The following IGSF21 variants were observed in gnomAD, a reference collection of about 807,000 sequenced individuals.
IGSF21 encodes immunoglobin superfamily member 21, also known as immunoglobulin superfamily member 21.
Under a neutral mutation model 46.8 loss-of-function variants are expected in IGSF21, and 28 were observed. The observed-to-expected ratio is 0.60, with a 90% CI of 0.44 to 0.82. The LOEUF (loss-of-function observed/expected upper bound fraction) is 0.82, where lower values mean the gene tolerates loss of function less well. Ranked by LOEUF, IGSF21 falls within the 40% of genes least tolerant of loss-of-function variation. IGSF21 has a pLI of 0.00. For synonymous variants in IGSF21, 284 were observed against 273.6 expected (o/e 1.04, Z -0.38); for missense variants, 624 against 665.5 (o/e 0.94, Z 0.69).
chr1:18,341,617 A>G (rs983027432), intron 4 of IGSF21, among the ~76,000 whole-genome samples: 15 of 152,212 alleles, frequency 9.9e-5, no homozygotes, highest in African/African-American at 3.4e-4. Flanking sequence ...CAAGGTGAGT[A>G]CTATCACTTT....
chr1:18,120,685 A>C (rs1369948384), intron 1 of IGSF21, among the ~76,000 whole-genome samples: 1 of 152,188 alleles, frequency 6.6e-6, no homozygotes, highest in Admixed American at 6.5e-5. Context: ...CCCAGGCTCC[A>C]TGGTAGATTT....
chr1:18,287,091 G>T (rs1339986865), intron 2 of IGSF21, among the ~76,000 whole-genome samples: 3 of 150,966 alleles, frequency 2.0e-5, no homozygotes, highest in African/African-American at 7.3e-5. Flanking sequence ...TGAGGCAGGA[G>T]AATGGCGTGA....
At chr1:18,326,562 C>T (rs1003114314) in intron 3 of IGSF21, among the ~76,000 whole-genome samples, 1 of 152,228 alleles carries the variant, frequency 6.6e-6, no homozygotes, top group African/African-American at 2.4e-5. Context: ...CCTGAATCTT[C>T]TCTGTTAGCC....
At chr1:18,161,024 C>A (rs1054836825) in intron 1 of IGSF21, among the ~76,000 whole-genome samples, 1 of 152,134 alleles carries the variant, frequency 6.6e-6, no homozygotes, top group African/African-American at 2.4e-5. Flanking sequence ...GAGCTTTAGG[C>A]CTCTGTTCCT....
chr1:18,369,610 C>G (rs1246235806), intron 6 of IGSF21, among the ~76,000 whole-genome samples: 1 of 152,190 alleles, frequency 6.6e-6, no homozygotes, highest in Non-Finnish European at 1.5e-5. Context: ...CACCTTGCAC[C>G]ATCAGGGCAC....
At chr1:18,245,836 G>A (rs1015970593) in intron 2 of IGSF21, among the ~76,000 whole-genome samples, 1 of 152,174 alleles carries the variant, frequency 6.6e-6, no homozygotes, top group Admixed American at 6.5e-5. Flanking sequence ...ATCCCAGGAG[G>A]TCCCAAACCA....
At chr1:18,135,274 A>G (rs1362690240) in intron 1 of IGSF21, among the ~76,000 whole-genome samples, 1 of 152,056 alleles carries the variant, frequency 6.6e-6, no homozygotes, top group Non-Finnish European at 1.5e-5. Flanking sequence ...TATTTTTATT[A>G]TTATACTTTA....
chr1:18,129,554 G>C (rs1409995442), intron 1 of IGSF21, among the ~76,000 whole-genome samples: 1 of 152,216 alleles, frequency 6.6e-6, no homozygotes, highest in African/African-American at 2.4e-5. Context: ...CCACGGGCAA[G>C]ACTCAGAGGC....
chr1:18,145,054 G>A (rs2086452718), intron 1 of IGSF21, among the ~76,000 whole-genome samples: 1 of 152,096 alleles, frequency 6.6e-6, no homozygotes, highest in Non-Finnish European at 1.5e-5. Context: ...GAAAGCTGGA[G>A]ATAATTTGAA....
intron 2 of IGSF21, among the ~76,000 whole-genome samples, chr1:18,280,346 T>C (rs1313906045): frequency 6.6e-6 from 1 of 152,242 alleles, no homozygotes; most frequent in African/African-American, 2.4e-5. Context: ...CTCTTCCCAA[T>C]TGCCACTAGT....
chr1:18,169,649 C>T (rs1048702109), intron 1 of IGSF21, among the ~76,000 whole-genome samples: 1 of 152,174 alleles, frequency 6.6e-6, no homozygotes, highest in African/African-American at 2.4e-5. Context: ...AGGGAGTTCT[C>T]ACTGGCAGTC....
chr1:18,176,228 C>T (rs1351536438), intron 1 of IGSF21: 1 of 152,192 alleles, frequency 6.6e-6, no homozygotes, highest in Non-Finnish European at 1.5e-5. Context: ...GGTTGAGCTG[C>T]TTTTAGGCAG....
intron 1 of IGSF21, among the ~76,000 whole-genome samples, chr1:18,202,940 A>G (rs1046255931): frequency 6.6e-6 from 1 of 152,192 alleles, no homozygotes; most frequent in Non-Finnish European, 1.5e-5. Context: ...GGCCTGGTCC[A>G]TTAGACCCAT....
intron 1 of IGSF21, among the ~76,000 whole-genome samples, chr1:18,116,786 A>C (rs2086193157): frequency 6.6e-6 from 1 of 152,258 alleles, no homozygotes; most frequent in Admixed American, 6.5e-5. Flanking sequence ...TTTGGGGATT[A>C]AAGGGAGTGG....
chr1:18,241,561 A>G (rs1453741416), intron 2 of IGSF21, among the ~76,000 whole-genome samples: 4 of 152,164 alleles, frequency 2.6e-5, no homozygotes, highest in African/African-American at 9.7e-5. Flanking sequence ...GAAGGCCATA[A>G]ATACCCTGTT....
At chr1:18,127,540 G>A (rs2086284021) in intron 1 of IGSF21, among the ~76,000 whole-genome samples, 1 of 151,944 alleles carries the variant, frequency 6.6e-6, no homozygotes, top group Admixed American at 6.6e-5. Flanking sequence ...AATGAGAGCT[G>A]AGCCACCTGC....
chr1:18,327,838 G>A (rs1052691168), intron 3 of IGSF21, among the ~76,000 whole-genome samples: 3 of 152,158 alleles, frequency 2.0e-5, no homozygotes, highest in Admixed American at 6.5e-5. Flanking sequence ...CTTATCAAAT[G>A]TGGAAATGCT....
intron 4 of IGSF21, among the ~76,000 whole-genome samples, chr1:18,347,745 G>A (rs1014657688): frequency 1.3e-5 from 2 of 152,188 alleles, no homozygotes; most frequent in Non-Finnish European, 2.9e-5. Flanking sequence ...AGTTTTTGGT[G>A]CATCTTGTCC....
chr1:18,298,527 G>A (rs534179570), intron 3 of IGSF21, among the ~76,000 whole-genome samples: 8 of 152,296 alleles, frequency 5.3e-5, no homozygotes, highest in Non-Finnish European at 8.8e-5. Flanking sequence ...CACAGGTGGT[G>A]GGGAACAGCT....
Sources: gnomAD v4.1 joint callset for allele counts (sites outside exome capture counted in the v4.1 genomes callset) on GRCh38, gnomAD v4.1.1 for gene constraint, MANE v1.5 for transcripts, NCBI Gene and HGNC (gene_info 2026-07-23, HGNC 2026-07-21) for gene names.